The following DLGAP4 variants were observed in gnomAD, a reference collection of about 807,000 sequenced individuals.
DLGAP4 encodes disks large-associated protein 4.
DLGAP4 carries 18 observed loss-of-function variants against 86.9 expected under a neutral mutation model. The ratio of observed to expected loss-of-function variants is 0.21; its 90% CI spans 0.14 to 0.31. The LOEUF is 0.31. Ranked by LOEUF, DLGAP4 falls within the 10% of genes least tolerant of loss-of-function variation. The pLI, the probability that DLGAP4 is intolerant of heterozygous loss-of-function variation, is 1.00. For missense variants in DLGAP4, 1,085 were observed against 1,362.6 expected (o/e 0.80, Z 3.21); for synonymous variants, 548 against 574.3 (o/e 0.95, Z 0.65).
At chr20:36,451,949 A>T (rs547677927) in intron 7 of DLGAP4, among the ~76,000 whole-genome samples, 1 of 151,524 alleles carries the variant, frequency 6.6e-6, no homozygotes, top group African/African-American at 2.4e-5. Flanking sequence ...TAGTAGAGAC[A>T]GGGTTTCTCC....
chr20:36,460,805 G>GT (rs2034007474), intron 7 of DLGAP4, among the ~76,000 whole-genome samples: 1 of 152,240 alleles, frequency 6.6e-6, no homozygotes, highest in Non-Finnish European at 1.5e-5. Flanking sequence ...GAGATCGTAG[G>GT]TGTGCTTGTT....
chr20:36,496,776 A>T lies in DLGAP4; in HGVS notation c.1720A>T (p.Ile574Phe). 6.2e-7 allele frequency: 1 copy of T among 1,614,156 alleles called. No homozygotes were observed. Among genetic ancestry groups the T allele is most frequent in the Non-Finnish European group, 8.5e-7 (1 of 1,179,986 alleles). ...TCCACGCACCACTTCAAAGCCGTTC[A>T]TCTCAGTCACAGTCCAGAGCAGTAC... is the stretch of plus-strand genomic sequence containing the variant. ...VPPRTTSKPF[I>F]SVTVQSSTES... The change falls in exon 8 of 13, where the codon ATC becomes TTC. Residue 574 changes from isoleucine to phenylalanine, a missense_variant. Ile to Phe is a conservative substitution (Grantham distance 21). Transcript: ENST00000339266.
chr20:36,348,214 A>G (rs375655619), intron 1 of DLGAP4, among the ~76,000 whole-genome samples: 27 of 152,246 alleles, frequency 1.8e-4, no homozygotes, highest in African/African-American at 6.0e-4. Flanking sequence ...GAGTTCAGTT[A>G]CTGAAGAAGG....
intron 1 of DLGAP4, among the ~76,000 whole-genome samples, chr20:36,327,361 T>C (rs1466628161): frequency 6.6e-6 from 1 of 152,138 alleles, no homozygotes; most frequent in Non-Finnish European, 1.5e-5. Context: ...CCATAAGGTT[T>C]TCTTCATATT....
intron 1 of DLGAP4, among the ~76,000 whole-genome samples, chr20:36,331,210 T>C (rs547866505): frequency 3.2e-4 from 48 of 152,322 alleles, no homozygotes; most frequent in African/African-American, 1.1e-3. Flanking sequence ...ACTCCAAAGA[T>C]GCCTATTGAG....
Position 36,432,098 on chromosome 20 carries a change from C to T in DLGAP4, c.381C>T (p.Gly127=), listed in dbSNP as rs371850556. 1.2e-4 allele frequency: 190 copies of T among 1,614,188 alleles called. 2 individuals are homozygous for T. In the South Asian group the frequency reaches 1.3e-3, roughly 11 times the overall value. The change falls in exon 3 of 13, where the codon GGC becomes GGT. Residue 127 remains glycine, a synonymous_variant. Coordinates refer to ENST00000339266, the MANE Select transcript of DLGAP4 (RefSeq NM_001365621.2). This position sits in a 1 kb window ranked among gnomAD's most constrained non-coding sequence, Gnocchi z 6.5. ...DGFSTLQFPR[G]EAKARGESPG... ...TCAGCACCCTCCAATTTCCCCGTGG[C>T]GAGGCCAAGGCCCGTGGTGAGAGCC... is the stretch of plus-strand genomic sequence containing the variant.
At chr20:36,317,431 T>TTTCTC (rs2065119983) in intron 1 of DLGAP4, among the ~76,000 whole-genome samples, 1 of 15,076 alleles carries the variant, frequency 6.6e-5, no homozygotes, top group African/African-American at 2.5e-4. Context: ...TTTCTTTTCT[T>TTTCTC]CTTTCTTTTC....
chr20:36,450,484 GTGAGA>G (rs1415734143), intron 7 of DLGAP4, among the ~76,000 whole-genome samples: 1 of 151,808 alleles, frequency 6.6e-6, no homozygotes, highest in Non-Finnish European at 1.5e-5. Flanking sequence ...GGCAACAAAA[GTGAGA>G]CTCCGTCTCA....
At chr20:36,466,950 C>CTG (rs1600581601) in intron 7 of DLGAP4, among the ~76,000 whole-genome samples, 1 of 140,446 alleles carries the variant, frequency 7.1e-6, no homozygotes, top group East Asian at 2.0e-4. Flanking sequence ...CTCTCTGTCT[C>CTG]TCTCTCTCTC....
chr20:36,356,664 G>A (rs1281854003), intron 1 of DLGAP4, among the ~76,000 whole-genome samples: 46 of 148,104 alleles, frequency 3.1e-4, no homozygotes, highest in African/African-American at 1.2e-3. Flanking sequence ...CCTATGGGCA[G>A]CCTGTTTTTG....
intron 1 of DLGAP4, among the ~76,000 whole-genome samples, chr20:36,336,861 C>T (rs1385264680): frequency 6.6e-6 from 1 of 152,246 alleles, no homozygotes; most frequent in Non-Finnish European, 1.5e-5. Context: ...CCCCCTTCTC[C>T]TTCCTGGGGC....
Position 36,378,708 on chromosome 20 carries a change from G to A in DLGAP4, c.-73+11433G>A, listed in dbSNP as rs925042939. Among the ~76,000 whole-genome samples the A allele has an allele frequency of 5.9e-5, 9 of 152,072 alleles. No individual in the cohort carries two copies. In the Middle Eastern group the frequency reaches 0.014, roughly 230 times the overall value. On this transcript the variant is annotated intron_variant, in intron 2 of 12. Coordinates refer to ENST00000339266, the MANE Select transcript of DLGAP4 (RefSeq NM_001365621.2). ...GTTGCCCTCTGCTTGGTTTTGATGGGCGAAAGGGAAGAGGAAGGCCCGGCA... is the reference window on the plus strand; with the variant it reads ...GTTGCCCTCTGCTTGGTTTTGATGGACGAAAGGGAAGAGGAAGGCCCGGCA...
intron 1 of DLGAP4, among the ~76,000 whole-genome samples, chr20:36,354,116 A>G (rs1296218839): frequency 3.3e-5 from 5 of 152,156 alleles, no homozygotes; most frequent in Non-Finnish European, 7.4e-5. Context: ...CTCAGGCCAC[A>G]TTCTCTCTGG....
chr20:36,348,953 A>T (rs2030038934), intron 1 of DLGAP4, among the ~76,000 whole-genome samples: 1 of 151,276 alleles, frequency 6.6e-6, no homozygotes, highest in South Asian at 2.1e-4. Context: ...GTACAAAAAA[A>T]TTAGCTGGGT....
chr20:36,462,915 G>A (rs2034164967), intron 7 of DLGAP4, among the ~76,000 whole-genome samples: 2 of 152,002 alleles, frequency 1.3e-5, no homozygotes, highest in Admixed American at 1.3e-4. Flanking sequence ...TTTTGGAGCC[G>A]GCAGGATGTG....
At chr20:36,313,647 A>G (rs1478489907) in intron 1 of DLGAP4, among the ~76,000 whole-genome samples, 1 of 151,992 alleles carries the variant, frequency 6.6e-6, no homozygotes, top group Admixed American at 6.5e-5. Flanking sequence ...GGTTGGAGAT[A>G]GAGTCAGGGC....
chr20:36,499,376 CGCCCGCCT>C (rs906032493), intron 8 of DLGAP4: 10 of 1,549,596 alleles, frequency 6.5e-6, no homozygotes, highest in African/African-American at 2.7e-5. Context: ...CCTGCCCGCC[CGCCCGCCT>C]GCCCGCCTCC....
At position 36,321,481 on chromosome 20, in the gene DLGAP4, G is replaced by A. The variant is rs144487595; in HGVS notation, c.-304+14969G>A. Among the ~76,000 whole-genome samples the A allele has an allele frequency of 7.3e-3, 1,105 of 152,368 alleles. 6 individuals are homozygous for A. The highest frequency in any genetic ancestry group is 0.031 in the Middle Eastern group (9 of 294). ...CTGGTCATTGGTTCCACAGCCACTC[G>A]CCAGGCTGGCCCCGGCTTCCACCTC... On this transcript the variant is annotated intron_variant, in intron 1 of 12. Coordinates refer to ENST00000339266, the MANE Select transcript of DLGAP4 (RefSeq NM_001365621.2).
chr20:36,439,931 G>A (rs2033398949), intron 5 of DLGAP4, 63 bp downstream of exon 5: 1 of 1,412,398 alleles, frequency 7.1e-7, no homozygotes, highest in Admixed American at 1.8e-5. Flanking sequence ...TCTGGGAGGA[G>A]GACACACGCC....
Sources: gnomAD v4.1 joint callset for allele counts (sites outside exome capture counted in the v4.1 genomes callset) on GRCh38, gnomAD v4.1.1 for gene constraint, Gnocchi (gnomAD v3.1) non-coding constraint, MANE v1.5 for transcripts, NCBI Gene and HGNC (gene_info 2026-07-23, HGNC 2026-07-21) for gene names.